Variants in SMURF1 observed in about 807,000 individuals in gnomAD.
SMURF1 encodes the protein SMAD specific E3 ubiquitin protein ligase 1.
A neutral mutation model predicts 98.0 loss-of-function variants in SMURF1; 44 were observed. The observed-to-expected ratio is 0.45, with a 90% CI of 0.35 to 0.58. The LOEUF (loss-of-function observed/expected upper bound fraction) is 0.58. SMURF1 is among the 20% of genes least tolerant of loss of function. The pLI is 0.00. For missense variants in SMURF1, 687 were observed against 938.4 expected (o/e 0.73, Z 3.50); for synonymous variants, 396 against 374.9 (o/e 1.06, Z -0.65).
At chr7:99,060,104 G>A (rs1358974402) in intron 3 of SMURF1, among the ~76,000 whole-genome samples, 2 of 151,298 alleles carry the variant, frequency 1.3e-5, no homozygotes, top group Admixed American at 6.6e-5. Flanking sequence ...GCAGTCGGGC[G>A]CAGTGGCTCA....
intron 1 of SMURF1, among the ~76,000 whole-genome samples, chr7:99,131,317 G>GA (rs1232661649): frequency 6.6e-6 from 1 of 152,110 alleles, no homozygotes; most frequent in Admixed American, 6.5e-5. Flanking sequence ...GAGGCAGGGT[G>GA]AAAAATCAAT....
At chr7:99,102,934 G>A (rs1797120997) in intron 1 of SMURF1, among the ~76,000 whole-genome samples, 1 of 151,558 alleles carries the variant, frequency 6.6e-6, no homozygotes, top group African/African-American at 2.4e-5. Context: ...CTCCCAAGTA[G>A]CTGAGACCAC....
chr7:99,078,961 A>C (rs1165036321), intron 1 of SMURF1, among the ~76,000 whole-genome samples: 2 of 152,232 alleles, frequency 1.3e-5, no homozygotes, highest in Admixed American at 1.3e-4. Flanking sequence ...GTCTTCCATG[A>C]AACTGGTCCC....
At chr7:99,055,436 G>A (rs1795854554) in intron 5 of SMURF1, among the ~76,000 whole-genome samples, 2 of 151,412 alleles carry the variant, frequency 1.3e-5, no homozygotes, top group Admixed American at 6.6e-5. Context: ...CCACTGAACT[G>A]CAGCAGGGGT....
At chr7:99,138,810 C>T (rs967716757) in intron 1 of SMURF1, among the ~76,000 whole-genome samples, 2 of 152,144 alleles carry the variant, frequency 1.3e-5, no homozygotes, top group African/African-American at 4.8e-5. Context: ...TGACAAAAAC[C>T]TCTATTTGGC....
chr7:99,119,919 C>T (rs951786978), intron 1 of SMURF1, among the ~76,000 whole-genome samples: 10 of 152,176 alleles, frequency 6.6e-5, no homozygotes, highest in Non-Finnish European at 1.3e-4. Flanking sequence ...TGGTTTAACT[C>T]ATGGTGATAC....
intron 11 of SMURF1, among the ~76,000 whole-genome samples, chr7:99,042,530 C>G (rs571796704): frequency 3.3e-5 from 5 of 152,362 alleles, no homozygotes; most frequent in African/African-American, 1.2e-4. Context: ...CCATCTCGGC[C>G]TCCCAAAGTG....
chr7:99,040,309 A>ACGCG (rs1426179383), intron 13 of SMURF1, 69 bp downstream of exon 13: 1 of 1,258,298 alleles, frequency 7.9e-7, no homozygotes, highest in South Asian at 2.2e-5. Flanking sequence ...GCGCGCGCGC[A>ACGCG]CGCGCATACA....
chr7:99,087,223 A>T (rs1234707480), intron 1 of SMURF1, among the ~76,000 whole-genome samples: 1 of 151,880 alleles, frequency 6.6e-6, no homozygotes. Context: ...AAAAAATTTT[A>T]ATTTTAAAAA....
Position 99,047,783 on chromosome 7 carries a change from A to T in SMURF1, c.1053T>A (p.Asp351Glu), listed in dbSNP as rs1795630172. The change falls in exon 10 of 18, where the codon GAT becomes GAA. Residue 351 changes from aspartate (D) to glutamate (E), a missense_variant. Physicochemically the swap from Asp to Glu is conservative, Grantham distance 45. Coordinates refer to ENST00000361368, the MANE Select transcript of SMURF1 (RefSeq NM_181349.3). ...EELPAQRYER[D>E]LVQKLKVLRH... ...TGAGGACTTTCAGCTTCTGGACTAG[A>T]TCTCTTTCGTATCTCTGGGCAGGAA... 6.2e-7 allele frequency: 1 copy of T among 1,614,016 alleles called. No individual in the cohort carries two copies. Among genetic ancestry groups the T allele is most frequent in the South Asian group, 1.1e-5 (1 of 91,080 alleles).
In SMURF1 at chr7:99,053,005, C is replaced by T. The variant is rs560208503; in HGVS notation, c.480-559G>A. Among the ~76,000 whole-genome samples the T allele has an allele frequency of 2.0e-5, 3 of 152,250 alleles. No individual in the cohort carries two copies. In the East Asian group the frequency reaches 5.8e-4, roughly 29 times the overall value. On this transcript the variant is annotated intron_variant, in intron 6 of 17. Transcript: ENST00000361368. The stretch of plus-strand genomic sequence containing the variant: ...CCAGGAGGCAGAGGTTGCAGTGAGC[C>T]AAGATTGTGCCATTGTACTCCAGCC...
chr7:99,033,170 C>T (rs1050117354), intron 16 of SMURF1, 49 bp from the exon 17 acceptor site: 21 of 1,533,670 alleles, frequency 1.4e-5, no homozygotes, highest in Middle Eastern at 2.2e-4. Flanking sequence ...ACAGCCGTGG[C>T]GCTTCCCGGC....
intron 1 of SMURF1, among the ~76,000 whole-genome samples, chr7:99,137,834 T>C (rs375939892): frequency 6.6e-6 from 1 of 152,178 alleles, no homozygotes. Context: ...GAAACAACAT[T>C]CCACTTGGTT....
chr7:99,063,215 GATAT>G (rs551640781), intron 1 of SMURF1, among the ~76,000 whole-genome samples: 18 of 93,826 alleles, frequency 1.9e-4, no homozygotes, highest in East Asian at 6.9e-4. Flanking sequence ...ATATAGTCAA[GATAT>G]ATATATATAT....
chr7:99,134,097 CTTTT>C (rs5886094), intron 1 of SMURF1, among the ~76,000 whole-genome samples: 9 of 102,184 alleles, frequency 8.8e-5, no homozygotes, highest in Admixed American at 9.9e-5. Flanking sequence ...TCTCCACCCA[CTTTT>C]TTTTTTTTTT....
intron 1 of SMURF1, among the ~76,000 whole-genome samples, chr7:99,116,613 A>C (rs541469358): frequency 1.3e-5 from 2 of 152,222 alleles, no homozygotes; most frequent in Non-Finnish European, 2.9e-5. Context: ...TTCCATCTAC[A>C]TTAGCATCAA....
intron 1 of SMURF1, among the ~76,000 whole-genome samples, chr7:99,118,476 A>G (rs2150616558): frequency 6.6e-6 from 1 of 152,384 alleles, no homozygotes; most frequent in African/African-American, 2.4e-5. Flanking sequence ...GGAATGAAGT[A>G]TTGATACAAG....
intron 15 of SMURF1, chr7:99,035,992 C>G: frequency 2.2e-6 from 1 of 462,830 alleles, no homozygotes; most frequent in Non-Finnish European, 4.0e-6. Context: ...GGTTTTTGCT[C>G]TGCATCGGTG....
chr7:99,071,422 A>G (rs183854771), intron 1 of SMURF1, among the ~76,000 whole-genome samples: 2 of 152,274 alleles, frequency 1.3e-5, no homozygotes, highest in Non-Finnish European at 1.5e-5. Context: ...TCATTTTTAC[A>G]TCTTAAGGAA....
Sources: allele counts gnomAD v4.1 joint callset (sites outside exome capture counted in the v4.1 genomes callset), GRCh38; gene constraint gnomAD v4.1.1; transcripts MANE v1.5; gene names NCBI Gene and HGNC (gene_info 2026-07-23, HGNC 2026-07-21).